The following OBSL1 variants were observed in gnomAD, a reference collection of about 807,000 sequenced individuals.
OBSL1 encodes obscurin-like protein 1.
Under a neutral mutation model 172.0 loss-of-function variants are expected in OBSL1, and 160 were observed. That is an observed-to-expected ratio of 0.93 (90% CI 0.82 to 1.06). The LOEUF (loss-of-function observed/expected upper bound fraction) is 1.06. Ranked by LOEUF, OBSL1 falls within the 50% of genes least tolerant of loss-of-function variation. OBSL1 has a pLI of 0.00. For missense variants in OBSL1, 2,681 were observed against 2,715.4 expected (o/e 0.99, Z 0.28); for synonymous variants, 1,200 against 1,196.3 (o/e 1.00, Z -0.06).
chr2:219,552,288 A>G, intron 18 of OBSL1, 72 bp from the exon 19 acceptor site: 1 of 1,390,544 alleles, frequency 7.2e-7, no homozygotes, highest in Non-Finnish European at 9.9e-7. Flanking sequence ...GTGGGGGCCC[A>G]GCAGGCCCCT....
chr2:219,550,806 G>T lies in OBSL1; in HGVS notation c.*29C>A. On this transcript the variant is annotated 3_prime_UTR_variant, in exon 21 of 21. Transcript: ENST00000404537. ...GGCAAACGCCTTCCAAGCTGTCCAAGGGCACCCGCCTGGCCTGGTTAGGTT... is the reference window on the plus strand; with the variant it reads ...GGCAAACGCCTTCCAAGCTGTCCAATGGCACCCGCCTGGCCTGGTTAGGTT... The T allele has an allele frequency of 6.2e-7, 1 of 1,609,176 alleles. No homozygotes were observed. Among genetic ancestry groups the T allele is most frequent in the Non-Finnish European group, 8.5e-7 (1 of 1,177,896 alleles).
chr2:219,557,500 G>A lies in OBSL1; in HGVS notation c.3909C>T (p.Tyr1303=). ...LSGPGGPVRW[Y]KDGERLASQG... The stretch of plus-strand genomic sequence containing the variant: ...GGCTTGCCAGTCGCTCCCCGTCCTT[G>A]TACCAGCGTACAGGGCCCCCTGGCC... Residue 1303 remains tyrosine, a synonymous_variant, in exon 12 of 21, where the codon TAC becomes TAT. Coordinates refer to ENST00000404537, the MANE Select transcript of OBSL1 (RefSeq NM_015311.3). The A allele has an allele frequency of 2.6e-6, 4 of 1,553,320 alleles. No individual in the cohort carries two copies. Among genetic ancestry groups the A allele is most frequent in the Non-Finnish European group, 3.5e-6 (4 of 1,149,032 alleles).
chr2:219,559,721 A>G (rs1696320493), intron 8 of OBSL1: 1 of 532,284 alleles, frequency 1.9e-6, no homozygotes, highest in Admixed American at 3.3e-5. Context: ...TTTCTCATCT[A>G]TCACATACCT....
At position 219,571,266 on chromosome 2, in the gene OBSL1, G is replaced by C. The variant is rs980031443; in HGVS notation, c.-34C>G. 5.2e-6 allele frequency: 6 copies of C among 1,156,836 alleles called. No homozygotes were observed. In the East Asian group the frequency reaches 9.7e-5, roughly 19 times the overall value. 71.7% of individuals were successfully genotyped at this position (1,156,836 alleles called of 1,614,324 possible). On this transcript the variant is annotated 5_prime_UTR_variant, in exon 1 of 21. Coordinates refer to ENST00000404537, the MANE Select transcript of OBSL1 (RefSeq NM_015311.3). ...CCGACCGCCTGCAGCGGCGAACGGT[G>C]GGGGGGCAGGGGGGGGTGCGGAGGG... is the stretch of plus-strand genomic sequence containing the variant.
At chr2:219,552,284 GCCCAGCAGGC>G in intron 18 of OBSL1, 68 bp from the exon 19 acceptor site, 1 of 1,406,234 alleles carries the variant, frequency 7.1e-7, no homozygotes, top group Non-Finnish European at 9.8e-7. Context: ...GAAGGTGGGG[GCCCAGCAGGC>G]CCCTGGGTCG....
downstream of OBSL1, chr2:219,548,008 C>T (rs1436947091): frequency 1.3e-6 from 2 of 1,589,588 alleles, no homozygotes; most frequent in African/African-American, 2.7e-5. Flanking sequence ...TGCTGGCACT[C>T]TGGCCCCTGC....
chr2:219,570,005 T>G (rs1292569946), intron 1 of OBSL1, among the ~76,000 whole-genome samples: 1 of 152,210 alleles, frequency 6.6e-6, no homozygotes, highest in African/African-American at 2.4e-5. Flanking sequence ...CTCGGAATCA[T>G]TTAAGGAGTT....
Position 219,567,670 on chromosome 2 carries a change from C to A in OBSL1, c.1534+48G>T, listed in dbSNP as rs748506810. On this transcript the variant is annotated intron_variant, in intron 3 of 20. Transcript: ENST00000404537. ...TCACCAACCCAGCTCCGGCATCTGG[C>A]CAACCTCCTGCCCTGCCTCGCCTGT... 5 of 1,591,694 alleles carry A rather than the reference C, an allele frequency of 3.1e-6. No individual in the cohort carries two copies. The African/African-American group carries it at 6.7e-5, about 21-fold the overall frequency.
chr2:219,552,383 G>A, intron 18 of OBSL1, 153 bp downstream of exon 18: 4 of 862,232 alleles, frequency 4.6e-6, no homozygotes, highest in South Asian at 3.4e-5. Flanking sequence ...GGGACTAGGG[G>A]CTGGGGGCGG....
rs564031741 is a variant in OBSL1, at chr2:219,552,974, G to T, written c.5040C>A (p.Gly1680=). ...PSPRLRLQAL[G]TRRLLQLRRC... ...GTCGCAGCTGGAGAAGGCGGCGCGT[G>T]CCGAGGGCCTGGAGCCGGAGCCGCG... The change falls in exon 17 of 21, where the codon GGC becomes GGA. Residue 1680 remains glycine (G), a synonymous_variant. Coordinates refer to ENST00000404537, the MANE Select transcript of OBSL1 (RefSeq NM_015311.3). The T allele has an allele frequency of 1.3e-6, 2 of 1,531,376 alleles. No homozygotes were observed. The highest frequency in any genetic ancestry group is 5.0e-5 in the East Asian group (2 of 39,916). The allele number at this position is 1,531,376 out of a possible 1,614,324, so 94.9% of individuals were successfully genotyped here.
rs1448712079 is a variant in OBSL1, at chr2:219,570,656, C to T, written c.577G>A (p.Ala193Thr). The change falls in exon 1 of 21, where the codon GCA becomes ACA. Residue 193 changes from alanine (A) to threonine (T), a missense_variant. By Grantham distance (58) the Ala-to-Thr change is moderately conservative. Around this residue, in one of 5 missense-constraint regions of OBSL1, gnomAD observed 706 missense variants for 695.8 expected, o/e 1.01. Transcript: ENST00000404537. ...RAEDGPGASL[A>T]LRILAARLPD... is the part of the protein sequence containing the mutation. ...AGCCGAGCCGCCAGGATGCGCAGTGCCAGGCTCGCGCCGGGGCCGTCCTCG... is the reference window on the plus strand; with the variant it reads ...AGCCGAGCCGCCAGGATGCGCAGTGTCAGGCTCGCGCCGGGGCCGTCCTCG... 2.7e-6 allele frequency: 4 copies of T among 1,508,412 alleles called. No individual in the cohort carries two copies. Among genetic ancestry groups the T allele is most frequent in the Non-Finnish European group, 3.5e-6 (4 of 1,134,378 alleles). 93.4% of individuals were successfully genotyped at this position (1,508,412 alleles called of 1,614,324 possible).
In OBSL1 at chr2:219,556,690, G is replaced by A. The variant is rs564427479; in HGVS notation, c.4100C>T (p.Thr1367Ile). The A allele has an allele frequency of 1.8e-5, 29 of 1,608,888 alleles. No individual in the cohort carries two copies. The South Asian group carries it at 3.0e-4, about 16-fold the overall frequency. ...ATCGCCCTCGTGGACAGTGAGTGGTGTCAGCTCCGAGACCAGCTTCACCAG... is the reference window on the plus strand; with the variant it reads ...ATCGCCCTCGTGGACAGTGAGTGGTATCAGCTCCGAGACCAGCTTCACCAG... ...PLLVKLVSEL[T>I]PLTVHEGDDA... Residue 1367 changes from threonine to isoleucine, a missense_variant, in exon 13 of 21, where the codon ACA becomes ATA. Thr to Ile is a moderately conservative substitution (Grantham distance 89). Transcript: ENST00000404537.
At position 219,557,971 on chromosome 2, in the gene OBSL1, C is replaced by T. The variant is rs762280735; in HGVS notation, c.3642G>A (p.Gln1214=). The change falls in exon 11 of 21, where the codon CAG becomes CAA. Residue 1214 remains glutamine (Q), a synonymous_variant. Coordinates refer to ENST00000404537, the MANE Select transcript of OBSL1 (RefSeq NM_015311.3). ...VVWSHNGRPV[Q]EGEGLELHAE... is the part of the protein sequence containing the mutation. Reference sequence around the variant, plus strand: ...CATGGAGCTCTAGGCCCTCGCCCTCCTGCACGGGCCTCCCATTGTGGCTCC... The same window carrying T: ...CATGGAGCTCTAGGCCCTCGCCCTCTTGCACGGGCCTCCCATTGTGGCTCC... 8.1e-6 allele frequency: 13 copies of T among 1,610,134 alleles called. No homozygotes were observed. The highest frequency in any genetic ancestry group is 1.1e-5 in the Non-Finnish European group (13 of 1,179,054).
intron 15 of OBSL1, 143 bp from the exon 16 acceptor site, chr2:219,553,829 A>T: frequency 2.1e-5 from 4 of 195,030 alleles, no homozygotes; most frequent in Non-Finnish European, 3.9e-5. Context: ...TGGTCCAAGA[A>T]GGATCTGTCA....
rs1486995379 is a variant in OBSL1 at position 219,552,658 on chromosome 2, CTCACCG to C, written c.5180_5185del (p.Ser1727_Ser1729delinsCys). 6.5e-7 allele frequency: 1 copy of C among 1,542,576 alleles called. No homozygotes were observed. The highest frequency in any genetic ancestry group is 8.7e-7 in the Non-Finnish European group (1 of 1,148,202). The stretch of plus-strand genomic sequence containing the variant: ...CGTAGCGCCGTCGCCTTCGCGGGCG[CTCACCG>C]ACCGCAGCTCGGAGAGTACCGCCAC... On this transcript the variant is annotated inframe_deletion, in exon 18 of 21. Coordinates refer to ENST00000404537, the MANE Select transcript of OBSL1 (RefSeq NM_015311.3).
In OBSL1 at chr2:219,559,360, C is replaced by T; in HGVS notation, c.3091G>A (p.Glu1031Lys). The T allele has an allele frequency of 6.2e-7, 1 of 1,613,988 alleles. No individual in the cohort carries two copies. The highest frequency in any genetic ancestry group is 8.5e-7 in the Non-Finnish European group (1 of 1,179,882). Residue 1031 changes from glutamate to lysine, a missense_variant, in exon 9 of 21, where the codon GAG becomes AAG. By Grantham distance (56) the Glu-to-Lys change is moderately conservative. Transcript: ENST00000404537. ...CTCTCCAGCACCAGGGCCTCGCTCTCCTCCACTTCCAGCCCATCCTTGTAC... is the reference window on the plus strand; with the variant it reads ...CTCTCCAGCACCAGGGCCTCGCTCTTCTCCACTTCCAGCCCATCCTTGTAC... Reference protein sequence around the residue: ...RWYKDGLEVEESEALVLERDG... With the variant: ...RWYKDGLEVEKSEALVLERDG...
At chr2:219,560,253 G>C (rs1188044545) in intron 8 of OBSL1, among the ~76,000 whole-genome samples, 4 of 152,180 alleles carry the variant, frequency 2.6e-5, no homozygotes, top group Non-Finnish European at 5.9e-5. Flanking sequence ...GCAGGAGGAG[G>C]AAATACCCTC....
chr2:219,571,487 T>G lies in OBSL1; in HGVS notation c.-255A>C. The G allele has an allele frequency of 3.6e-6, 1 of 277,208 alleles. No homozygotes were observed. Among genetic ancestry groups the G allele is most frequent in the Non-Finnish European group, 6.7e-6 (1 of 148,722 alleles). The allele number at this position is 277,208 out of a possible 1,614,324, so 17.2% of individuals were successfully genotyped here. Reference sequence around the variant, plus strand: ...GGGGGCAGTCCTTCCTGTTTGCCTCTCCAGCGAGTGGCCCCGCAGCCTCCC... The same window carrying G: ...GGGGGCAGTCCTTCCTGTTTGCCTCGCCAGCGAGTGGCCCCGCAGCCTCCC... On this transcript the variant is annotated 5_prime_UTR_variant, in exon 1 of 21. Transcript: ENST00000404537.
intron 8 of OBSL1, among the ~76,000 whole-genome samples, 159 bp downstream of exon 8, chr2:219,562,243 T>C (rs936353701): frequency 6.6e-6 from 1 of 152,060 alleles, no homozygotes; most frequent in African/African-American, 2.4e-5. Flanking sequence ...CTTGTTTCCT[T>C]GAATAGGGGC....
Sources: gnomAD v4.1 joint callset for allele counts (sites outside exome capture counted in the v4.1 genomes callset) on GRCh38, gnomAD v4.1.1 for gene constraint, gnomAD v4.1.1 regional missense constraint, MANE v1.5 for transcripts, NCBI Gene and HGNC (gene_info 2026-07-23, HGNC 2026-07-21) for gene names.